Variants in SYNDIG1L observed in about 807,000 individuals in gnomAD.
SYNDIG1L encodes the protein synapse differentiation-inducing gene protein 1-like.
Under a neutral mutation model 20.1 loss-of-function variants are expected in SYNDIG1L, and 13 were observed. The observed-to-expected ratio is 0.65, with a 90% CI of 0.42 to 1.03. SYNDIG1L has a LOEUF of 1.03. Among genes scored for constraint, SYNDIG1L ranks in the 50% least tolerant of loss-of-function variants. The pLI is 0.00. For missense variants in SYNDIG1L, 294 were observed against 305.1 expected (o/e 0.96, Z 0.27); for synonymous variants, 128 against 129.3 (o/e 0.99, Z 0.07).
At chr14:74,454,505 A>G in the SYNDIG1L span, among the ~76,000 whole-genome samples, 1 of 152,222 alleles carries the variant, frequency 6.6e-6, no homozygotes. Flanking sequence ...GCCAGAGAGC[A>G]GCCCTGAGAA....
At chr14:74,477,076 A>G in the SYNDIG1L span, among the ~76,000 whole-genome samples, 4 of 59,296 alleles carry the variant, frequency 6.7e-5, no homozygotes, top group Non-Finnish European at 1.2e-4. Flanking sequence ...ACACACACAC[A>G]CACACACACA....
intron 1 of SYNDIG1L, among the ~76,000 whole-genome samples, chr14:74,425,098 G>A (rs933282281): frequency 2.6e-5 from 4 of 152,152 alleles, no homozygotes; most frequent in African/African-American, 9.7e-5. Flanking sequence ...TATTTTGATC[G>A]CTACATTCTG....
In SYNDIG1L at chr14:74,407,889, AAGC is replaced by A; in HGVS notation, c.515_517del (p.Cys172del). The A allele has an allele frequency of 6.2e-7, 1 of 1,613,690 alleles. No individual in the cohort carries two copies. Among genetic ancestry groups the A allele is most frequent in the Non-Finnish European group, 8.5e-7 (1 of 1,179,844 alleles). ...GAAGGCAGCAATGCCCAGTGGCCAG[AAGC>A]AGCAGAGCATGGAGAAGAGAGTAAG... On this transcript the variant is annotated inframe_deletion, in exon 3 of 4. Transcript: ENST00000331628.
the SYNDIG1L span, among the ~76,000 whole-genome samples, chr14:74,454,270 A>C: frequency 6.6e-6 from 1 of 152,002 alleles, no homozygotes; most frequent in Non-Finnish European, 1.5e-5. Context: ...TTTTTCTTTA[A>C]ATTAGCTCAC....
At position 74,415,331 on chromosome 14, in the gene SYNDIG1L, G is replaced by A. The variant is rs150486174; in HGVS notation, c.-57-5530C>T. On this transcript the variant is annotated intron_variant, in intron 1 of 3. Transcript: ENST00000331628. ...ACTTCAGCATGCATCAACATCACAGGGAGGACCTGTTAAACCTGGATTGCT... is the reference window on the plus strand; with the variant it reads ...ACTTCAGCATGCATCAACATCACAGAGAGGACCTGTTAAACCTGGATTGCT... 4.4e-4 allele frequency among the ~76,000 whole-genome samples: 67 copies of A among 152,202 alleles called. 2 individuals carry two copies. Among genetic ancestry groups the A allele is most frequent in the African/African-American group, 1.5e-3 (64 of 41,540 alleles).
the SYNDIG1L span, among the ~76,000 whole-genome samples, chr14:74,439,459 G>A: frequency 2.0e-5 from 3 of 152,264 alleles, no homozygotes; most frequent in Non-Finnish European, 4.4e-5. Flanking sequence ...ATGAGTCTTG[G>A]CTTGAGTGTG....
intron 2 of SYNDIG1L, among the ~76,000 whole-genome samples, chr14:74,409,086 T>TTATA (rs2086108888): frequency 6.8e-6 from 1 of 148,098 alleles, no homozygotes; most frequent in South Asian, 2.1e-4. Flanking sequence ...ATTTATTTAT[T>TTATA]TATATTTTTT....
upstream of SYNDIG1L, among the ~76,000 whole-genome samples, chr14:74,427,919 C>T (rs1013556652): frequency 6.6e-6 from 1 of 152,262 alleles, no homozygotes. Flanking sequence ...CTCCCCTCCC[C>T]ACCCTGGCTG....
At position 74,407,043 on chromosome 14, in the gene SYNDIG1L, G is replaced by T. The variant is rs1043035172; in HGVS notation, c.*492C>A. 4.0e-5 allele frequency: 7 copies of T among 174,140 alleles called. No homozygotes were observed. Among genetic ancestry groups the T allele is most frequent in the Admixed American group, 3.8e-4 (7 of 18,286 alleles). 10.8% of individuals were successfully genotyped at this position (174,140 alleles called of 1,614,324 possible). ...CCTGCTGAGGTCTGGGCATGATGGGGCCAGACAGTGGAGTTGGGGGAAGCT... is the reference window on the plus strand; with the variant it reads ...CCTGCTGAGGTCTGGGCATGATGGGTCCAGACAGTGGAGTTGGGGGAAGCT... On this transcript the variant is annotated 3_prime_UTR_variant, in exon 4 of 4. Transcript: ENST00000331628.
chr14:74,479,941 G>T, the SYNDIG1L span: 1 of 1,260,480 alleles, frequency 7.9e-7, no homozygotes, highest in South Asian at 1.6e-5. Context: ...CAGCCCACAT[G>T]CAGAAGACAA....
intron 1 of SYNDIG1L, among the ~76,000 whole-genome samples, chr14:74,417,268 A>C (rs913339525): frequency 1.2e-4 from 19 of 152,252 alleles, no homozygotes; most frequent in African/African-American, 4.6e-4. Flanking sequence ...GGCAAAGGTG[A>C]TAAAACAGCT....
chr14:74,407,233 A>C lies in SYNDIG1L; in HGVS notation c.*302T>G. On this transcript the variant is annotated 3_prime_UTR_variant, in exon 4 of 4. Coordinates refer to ENST00000331628, the MANE Select transcript of SYNDIG1L (RefSeq NM_001105579.2). Reference sequence around the variant, plus strand: ...TGTAGGGCAGGAGATCCTCTAGGGAATGGGCAGAATGGATGGAGCTAGGCC... The same window carrying C: ...TGTAGGGCAGGAGATCCTCTAGGGACTGGGCAGAATGGATGGAGCTAGGCC... The C allele has an allele frequency of 9.3e-6, 4 of 429,764 alleles. No individual in the cohort carries two copies. The highest frequency in any genetic ancestry group is 4.9e-5 in the East Asian group (1 of 20,512). The allele number at this position is 429,764 out of a possible 1,614,324, so 26.6% of individuals were successfully genotyped here. A position where few individuals can be genotyped will look rare whatever the true frequency, so the allele number is the denominator to read the frequency against.
chr14:74,413,263 G>A (rs371870552), intron 1 of SYNDIG1L, among the ~76,000 whole-genome samples: 3 of 152,120 alleles, frequency 2.0e-5, no homozygotes, highest in African/African-American at 4.8e-5. Context: ...GGGCTCTGAT[G>A]GTGCCTTTAA....
chr14:74,440,682 C>G, the SYNDIG1L span, among the ~76,000 whole-genome samples: 2 of 150,396 alleles, frequency 1.3e-5, no homozygotes, highest in Admixed American at 1.3e-4. Flanking sequence ...GAGACTCTGT[C>G]TAAAAGAAAA....
chr14:74,476,600 A>C, the SYNDIG1L span: 1 of 1,532,738 alleles, frequency 6.5e-7, no homozygotes. Context: ...CATCTGCAGA[A>C]AGTAGAAGAG....
chr14:74,468,997 CTG>C, the SYNDIG1L span, among the ~76,000 whole-genome samples: 1 of 152,150 alleles, frequency 6.6e-6, no homozygotes, highest in Non-Finnish European at 1.5e-5. Flanking sequence ...AAGTGTGTGT[CTG>C]TGCGTCCTGT....
chr14:74,468,606 A>G, the SYNDIG1L span, among the ~76,000 whole-genome samples: 230 of 151,630 alleles, frequency 1.5e-3, no homozygotes, highest in African/African-American at 5.1e-3. Context: ...CCCCACACAC[A>G]CTGCAGTGGG....
the SYNDIG1L span, among the ~76,000 whole-genome samples, chr14:74,466,264 G>A: frequency 1.3e-5 from 2 of 152,114 alleles, no homozygotes; most frequent in African/African-American, 4.8e-5. Flanking sequence ...CAAGGAGCAG[G>A]GCCCATGTCA....
chr14:74,421,824 A>C (rs888611765), intron 1 of SYNDIG1L, among the ~76,000 whole-genome samples: 3 of 152,122 alleles, frequency 2.0e-5, no homozygotes, highest in East Asian at 3.9e-4. Context: ...GACAGATAAA[A>C]CAGCTTGAAC....
Sources: gnomAD v4.1 joint callset for allele counts (sites outside exome capture counted in the v4.1 genomes callset) on GRCh38, gnomAD v4.1.1 for gene constraint, MANE v1.5 for transcripts, NCBI Gene and HGNC (gene_info 2026-07-23, HGNC 2026-07-21) for gene names.